Variants in EPHX1 observed in about 807,000 individuals in gnomAD.
EPHX1 encodes epoxide hydrolase 1, also known as epoxide hydratase.
A neutral mutation model predicts 43.2 loss-of-function variants in EPHX1; 40 were observed. The ratio of observed to expected loss-of-function variants is 0.93; its 90% CI spans 0.72 to 1.21. EPHX1 has a LOEUF of 1.21. EPHX1 is among the 50% of genes most tolerant of loss of function. The probability of loss-of-function intolerance (pLI) is 0.00; values close to 1 mark genes in which losing one functional copy is unlikely to be tolerated. For missense variants in EPHX1, 550 were observed against 570.4 expected (o/e 0.96, Z 0.36); for synonymous variants, 221 against 226.7 (o/e 0.98, Z 0.22).
intron 1 of EPHX1, among the ~76,000 whole-genome samples, chr1:225,819,272 G>A (rs541799604): frequency 9.8e-4 from 146 of 148,860 alleles, no homozygotes; most frequent in South Asian, 7.6e-3. Context: ...GGGCATGGTG[G>A]CATGCGCCTG....
chr1:225,836,774 C>T (rs941318291), intron 3 of EPHX1, among the ~76,000 whole-genome samples: 5 of 152,134 alleles, frequency 3.3e-5, no homozygotes, highest in Non-Finnish European at 7.4e-5. Context: ...GGGTGGTTGT[C>T]AGGGGCTGGG....
At chr1:225,845,119 C>G (rs1422053665) in intron 8 of EPHX1, 27 bp from the exon 9 acceptor site, 13 of 1,613,200 alleles carry the variant, frequency 8.1e-6, no homozygotes, top group Non-Finnish European at 1.1e-5. Context: ...CACAGCCTCA[C>G]CCCTCCGTCG....
intron 1 of EPHX1, among the ~76,000 whole-genome samples, chr1:225,815,695 A>G (rs2102680416): frequency 6.6e-6 from 1 of 152,244 alleles, no homozygotes; most frequent in African/African-American, 2.4e-5. Flanking sequence ...ACGACCAAAC[A>G]ACCCAGAACT....
At chr1:225,837,424 C>T (rs893116569) in intron 3 of EPHX1, among the ~76,000 whole-genome samples, 1 of 152,130 alleles carries the variant, frequency 6.6e-6, no homozygotes, top group Non-Finnish European at 1.5e-5. Context: ...ATGCAGAGGC[C>T]CCAAGTCAGT....
intron 1 of EPHX1, among the ~76,000 whole-genome samples, chr1:225,820,670 G>A (rs900840413): frequency 3.3e-5 from 5 of 151,918 alleles, no homozygotes; most frequent in Non-Finnish European, 7.4e-5. Flanking sequence ...CTTTCTGCCT[G>A]GATTATTCCC....
chr1:225,844,503 T>TCTC lies in EPHX1; in HGVS notation c.1048_1050dup (p.Ser350dup). On this transcript the variant is annotated inframe_insertion, in exon 8 of 9. Coordinates refer to ENST00000272167, the MANE Select transcript of EPHX1 (RefSeq NM_001136018.4). ...TTTGTGTTCTGCGTTCCCAGGAAGT[T>TCTC]CTCCCTGGACGACCTGCTGACCAAC... is the stretch of plus-strand genomic sequence containing the variant. The TCTC allele has an allele frequency of 7.4e-6, 12 of 1,613,998 alleles. No individual in the cohort carries two copies. Among genetic ancestry groups the TCTC allele is most frequent in the Non-Finnish European group, 1.0e-5 (12 of 1,179,964 alleles).
chr1:225,844,535 C>A lies in EPHX1; in HGVS notation c.1078C>A (p.Leu360Ile), dbSNP rs747589065. Residue 360 changes from leucine to isoleucine, a missense_variant, in exon 8 of 9, where the codon CTC (leucine) becomes ATC (isoleucine). Coordinates refer to ENST00000272167, the MANE Select transcript of EPHX1 (RefSeq NM_001136018.4). ...SLDDLLTNVM[L>I]YWTTGTIISS... ...GGACGACCTGCTGACCAACGTCATGCTCTACTGGACAACAGGCACCATCAT... is the reference window on the plus strand; with the variant it reads ...GGACGACCTGCTGACCAACGTCATGATCTACTGGACAACAGGCACCATCAT... 3 of 1,614,174 alleles carry A rather than the reference C, an allele frequency of 1.9e-6. No homozygotes were observed. The highest frequency in any genetic ancestry group is 1.7e-6 in the Non-Finnish European group (2 of 1,179,996).
intron 8 of EPHX1, 109 bp from the exon 9 acceptor site, chr1:225,845,037 T>C: frequency 8.5e-7 from 1 of 1,181,066 alleles, no homozygotes; most frequent in African/African-American, 1.5e-5. Context: ...TATGGCTCCT[T>C]GTGGGTGGGC....
chr1:225,844,573 C>G lies in EPHX1; in HGVS notation c.1116C>G (p.Arg372=), dbSNP rs558420728. 1 of 1,614,176 alleles carries G rather than the reference C, an allele frequency of 6.2e-7. No individual in the cohort carries two copies. The highest frequency in any genetic ancestry group is 1.7e-5 in the Admixed American group (1 of 60,028). ...WTTGTIISSQ[R]FYKENLGQGW... is the part of the protein sequence containing the mutation. ...CAGGCACCATCATCTCCTCCCAGCG[C>G]TTCTACAAGGAGAACCTGGGACAGG... Residue 372 remains arginine, a synonymous_variant, in exon 8 of 9, where the codon CGC becomes CGG. Coordinates refer to ENST00000272167, the MANE Select transcript of EPHX1 (RefSeq NM_001136018.4).
At chr1:225,832,812 G>C (rs1326895481) in intron 3 of EPHX1, among the ~76,000 whole-genome samples, 1 of 152,116 alleles carries the variant, frequency 6.6e-6, no homozygotes, top group Non-Finnish European at 1.5e-5. Flanking sequence ...CTGATGTTGA[G>C]CATTTTTTAT....
intron 1 of EPHX1, among the ~76,000 whole-genome samples, chr1:225,821,560 T>A (rs1666978256): frequency 7.0e-6 from 1 of 142,338 alleles, no homozygotes; most frequent in South Asian, 2.2e-4. Flanking sequence ...TTTCATTTTT[T>A]GGTTCTTTTT....
chr1:225,836,810 C>T (rs747828243), intron 3 of EPHX1, among the ~76,000 whole-genome samples: 5 of 152,140 alleles, frequency 3.3e-5, no homozygotes, highest in Non-Finnish European at 7.3e-5. Flanking sequence ...CATTGCTGAT[C>T]GTTGCTGTGT....
chr1:225,838,333 G>A (rs1668080428), intron 3 of EPHX1, among the ~76,000 whole-genome samples: 1 of 152,192 alleles, frequency 6.6e-6, no homozygotes, highest in African/African-American at 2.4e-5. Context: ...TGTGAGCCAG[G>A]AGCTGTCCTG....
intron 1 of EPHX1, among the ~76,000 whole-genome samples, chr1:225,811,013 A>T (rs956823813): frequency 1.3e-5 from 2 of 152,096 alleles, no homozygotes; most frequent in African/African-American, 4.8e-5. Flanking sequence ...ATGCGCTTTC[A>T]TCTCCATCTG....
chr1:225,845,373 C>T lies in EPHX1; in HGVS notation c.*26C>T. On this transcript the variant is annotated 3_prime_UTR_variant, in exon 9 of 9. Coordinates refer to ENST00000272167, the MANE Select transcript of EPHX1 (RefSeq NM_001136018.4). The stretch of plus-strand genomic sequence containing the variant: ...CCCACCCCTCTCCCCCCGCCTGCCA[C>T]CTCCCCCCACAAGTGCCCTCCAGGC... 2 of 1,548,852 alleles carry T rather than the reference C, an allele frequency of 1.3e-6. No individual in the cohort carries two copies. The highest frequency in any genetic ancestry group is 1.7e-6 in the Non-Finnish European group (2 of 1,149,626).
chr1:225,844,395 AGC>A, intron 7 of EPHX1, 101 bp from the exon 8 acceptor site: 1 of 1,580,324 alleles, frequency 6.3e-7, no homozygotes, highest in Non-Finnish European at 8.7e-7. Context: ...TGAGGAGGGA[AGC>A]CGCATGGGCA....
chr1:225,831,369 C>G (rs1667579169), intron 2 of EPHX1, among the ~76,000 whole-genome samples: 1 of 151,956 alleles, frequency 6.6e-6, no homozygotes, highest in Non-Finnish European at 1.5e-5. Context: ...GCCAACATGG[C>G]AAAACCCCGT....
At chr1:225,844,422 T>C in intron 7 of EPHX1, 76 bp from the exon 8 acceptor site, 1 of 1,611,994 alleles carries the variant, frequency 6.2e-7, no homozygotes, top group Non-Finnish European at 8.5e-7. Context: ...CTGGCATTTG[T>C]AGGACTTTCT....
intron 7 of EPHX1, 81 bp from the exon 8 acceptor site, chr1:225,844,417 A>G (rs1229743361): frequency 3.7e-6 from 6 of 1,610,698 alleles, no homozygotes; most frequent in South Asian, 3.3e-5. Flanking sequence ...AGGGCCTGGC[A>G]TTTGTAGGAC....
Sources: gnomAD v4.1 joint callset for allele counts (sites outside exome capture counted in the v4.1 genomes callset) on GRCh38, gnomAD v4.1.1 for gene constraint, MANE v1.5 for transcripts, NCBI Gene and HGNC (gene_info 2026-07-23, HGNC 2026-07-21) for gene names.